Variants in ADGRD1 observed in about 807,000 individuals in gnomAD.
ADGRD1 encodes G-protein coupled receptor 133.
Under a neutral mutation model 113.4 loss-of-function variants are expected in ADGRD1, and 77 were observed. The ratio of observed to expected loss-of-function variants is 0.68; its 90% CI spans 0.57 to 0.82. The LOEUF (loss-of-function observed/expected upper bound fraction) is 0.82. Ranked by LOEUF, ADGRD1 falls within the 40% of genes least tolerant of loss-of-function variation. The pLI, the probability that ADGRD1 is intolerant of heterozygous loss-of-function variation, is 0.00. For missense variants in ADGRD1, 1,036 were observed against 1,139.1 expected, an observed-to-expected ratio of 0.91 and a Z score of 1.30; for synonymous variants, 474 against 475.0, an observed-to-expected ratio of 1.00 and a Z score of 0.03.
At chr12:131,014,618 C>A (rs1276050642) in intron 13 of ADGRD1, among the ~76,000 whole-genome samples, 1 of 152,184 alleles carries the variant, frequency 6.6e-6, no homozygotes, top group Non-Finnish European at 1.5e-5. Context: ...CACGGATCTT[C>A]CTCATTTATA....
At chr12:130,986,504 G>A (rs71468458) in intron 5 of ADGRD1, among the ~76,000 whole-genome samples, 13,705 of 152,190 alleles carry the variant, frequency 0.09, 786 homozygotes, top group Middle Eastern at 0.15. Flanking sequence ...CTTGTAGCCT[G>A]TAATCTTGCT....
At chr12:131,119,251 GA>G (rs1277758806) in intron 19 of ADGRD1, among the ~76,000 whole-genome samples, 1 of 152,218 alleles carries the variant, frequency 6.6e-6, no homozygotes, top group Non-Finnish European at 1.5e-5. Context: ...TAGTACAGAC[GA>G]ATAGTGAAAC....
At chr12:131,114,103 G>A (rs1033155192) in intron 18 of ADGRD1, among the ~76,000 whole-genome samples, 7 of 152,176 alleles carry the variant, frequency 4.6e-5, no homozygotes, top group African/African-American at 9.7e-5. Context: ...TGTATGTAGC[G>A]GGGCTGTCTG....
chr12:131,068,462 C>T (rs1884899060), intron 13 of ADGRD1, among the ~76,000 whole-genome samples: 1 of 152,172 alleles, frequency 6.6e-6, no homozygotes, highest in African/African-American at 2.4e-5. Context: ...CTTGGCCACT[C>T]CAGGCCTTGG....
intron 12 of ADGRD1, 102 bp downstream of exon 12, chr12:131,006,149 C>A (rs1243436671): frequency 1.9e-5 from 19 of 1,018,078 alleles, no homozygotes; most frequent in Non-Finnish European, 2.8e-5. Flanking sequence ...ACTGAGAACT[C>A]TGGACACGAG....
intron 12 of ADGRD1, among the ~76,000 whole-genome samples, chr12:131,010,002 C>T (rs770878830): frequency 9.2e-5 from 14 of 152,236 alleles, no homozygotes; most frequent in Non-Finnish European, 1.2e-4. Flanking sequence ...TGGCTGTTGC[C>T]GTCCTTTCTG....
At chr12:131,074,943 A>T (rs1340645593) in intron 13 of ADGRD1, among the ~76,000 whole-genome samples, 1 of 152,090 alleles carries the variant, frequency 6.6e-6, no homozygotes, top group East Asian at 1.9e-4. Flanking sequence ...CTGAAGTCAG[A>T]GTGTCAGGAC....
rs375402077 is a variant in ADGRD1 at position 131,046,940 on chromosome 12, C to T, written c.1474-29861C>T. On this transcript the variant is annotated intron_variant, in intron 13 of 24. Transcript: ENST00000261654. The stretch of plus-strand genomic sequence containing the variant: ...GTGTCCTCCCTGGTGAGTGCTCCCT[C>T]CCTGGTCAGTGTCCTCCCTGGTCAA... 1.6e-4 allele frequency among the ~76,000 whole-genome samples: 24 copies of T among 150,702 alleles called. No individual in the cohort carries two copies. The East Asian group carries it at 2.2e-3, about 14-fold the overall frequency.
At chr12:131,133,602 C>G (rs1020673184) in intron 21 of ADGRD1, among the ~76,000 whole-genome samples, 1 of 152,206 alleles carries the variant, frequency 6.6e-6, no homozygotes, top group African/African-American at 2.4e-5. Context: ...CGGGGAGGTG[C>G]AGGCAGGCAT....
intron 20 of ADGRD1, among the ~76,000 whole-genome samples, chr12:131,123,082 G>A (rs1431893683): frequency 7.4e-5 from 4 of 53,904 alleles, no homozygotes; most frequent in Non-Finnish European, 1.4e-4. Context: ...TTGCGACAGA[G>A]TCTTCGCTCT....
At chr12:131,105,556 G>A (rs1356472963) in intron 16 of ADGRD1, among the ~76,000 whole-genome samples, 198 bp from the exon 17 acceptor site, 1 of 152,192 alleles carries the variant, frequency 6.6e-6, no homozygotes, top group African/African-American at 2.4e-5. Flanking sequence ...ACTGTGTAGG[G>A]CTGTGTGGGC....
In ADGRD1 at chr12:131,114,566, G is replaced by A. The variant is rs572417137; in HGVS notation, c.2042-3819G>A. 8.4e-4 allele frequency among the ~76,000 whole-genome samples: 128 copies of A among 152,270 alleles called. 3 individuals carry two copies. In the South Asian group the frequency reaches 0.025, roughly 30 times the overall value. On this transcript the variant is annotated intron_variant, in intron 18 of 24. Coordinates refer to ENST00000261654, the MANE Select transcript of ADGRD1 (RefSeq NM_198827.5). ...CTGGCTACAAGCTGAAGTCGGGGGG[G>A]TCTGCAGGCAGTTGGGCTCTCTCGA...
intron 8 of ADGRD1, among the ~76,000 whole-genome samples, chr12:130,997,343 C>T (rs565834308): frequency 8.6e-5 from 13 of 150,550 alleles, no homozygotes; most frequent in South Asian, 2.1e-4. Flanking sequence ...GGCTGCCGGG[C>T]GGAGACGCTC....
chr12:131,088,576 G>A (rs993752348), intron 15 of ADGRD1, among the ~76,000 whole-genome samples: 1 of 152,150 alleles, frequency 6.6e-6, no homozygotes, highest in Non-Finnish European at 1.5e-5. Flanking sequence ...AGGACAGGGT[G>A]GGGACGGAGG....
chr12:130,968,998 C>A (rs755717309), intron 3 of ADGRD1: 14 of 1,534,884 alleles, frequency 9.1e-6, no homozygotes, highest in Non-Finnish European at 1.2e-5. Context: ...CACAAGCTCA[C>A]TGTGCTTCCT....
At chr12:131,070,866 T>G (rs763869640) in intron 13 of ADGRD1, 52 of 518,926 alleles carry the variant, frequency 1.0e-4, no homozygotes, top group African/African-American at 1.7e-4. Context: ...ATGGAGTGTC[T>G]GCACGGGACG....
intron 17 of ADGRD1, among the ~76,000 whole-genome samples, chr12:131,107,731 G>T (rs1950265433): frequency 6.6e-6 from 1 of 152,244 alleles, no homozygotes; most frequent in Admixed American, 6.5e-5. Context: ...AGGGCCAGGG[G>T]TTGCTGAGCC....
At chr12:131,132,249 C>A (rs1478090306) in intron 21 of ADGRD1, among the ~76,000 whole-genome samples, 1 of 152,214 alleles carries the variant, frequency 6.6e-6, no homozygotes, top group East Asian at 1.9e-4. Context: ...TCCCCCTCAG[C>A]TGGCACATCA....
At position 131,057,524 on chromosome 12, in the gene ADGRD1, G is replaced by A. The variant is rs149618781; in HGVS notation, c.1474-19277G>A. Among the ~76,000 whole-genome samples the A allele has an allele frequency of 6.2e-4, 95 of 152,266 alleles. No individual in the cohort carries two copies. Among genetic ancestry groups the A allele is most frequent in the African/African-American group, 2.2e-3 (92 of 41,570 alleles). On this transcript the variant is annotated intron_variant, in intron 13 of 24. Transcript: ENST00000261654. The surrounding 1 kb of genome is among the most constrained non-coding windows in gnomAD (Gnocchi z 4.2). ...CTAGTTCGTTCTGGAGGCTCAGCGG[G>A]AACGTCCACCCCTGCCTGTCTCCTA...
Sources: gnomAD v4.1 joint callset for allele counts (sites outside exome capture counted in the v4.1 genomes callset) on GRCh38, gnomAD v4.1.1 for gene constraint, Gnocchi (gnomAD v3.1) non-coding constraint, MANE v1.5 for transcripts, NCBI Gene and HGNC (gene_info 2026-07-23, HGNC 2026-07-21) for gene names.